The following CENPE variants were observed in gnomAD, a reference collection of about 807,000 sequenced individuals.
The protein encoded by CENPE is centromere-associated protein E.
CENPE carries 145 observed loss-of-function variants against 336.1 expected under a neutral mutation model. The ratio of observed to expected loss-of-function variants is 0.43; its 90% CI spans 0.38 to 0.50. CENPE has a LOEUF of 0.50. CENPE is among the 20% of genes least tolerant of loss of function. The pLI is 0.00. For synonymous variants in CENPE, 1,013 were observed against 984.8 expected, an observed-to-expected ratio of 1.03 and a Z score of -0.54; for missense variants, 2,719 against 3,023.3, an observed-to-expected ratio of 0.90 and a Z score of 2.36.
intron 46 of CENPE, among the ~76,000 whole-genome samples, chr4:103,113,813 G>C (rs1205668736): frequency 6.6e-6 from 1 of 150,846 alleles, no homozygotes; most frequent in Non-Finnish European, 1.5e-5. Flanking sequence ...TATAGCCATT[G>C]AGATCTGCAT....
In CENPE at chr4:103,108,802, C is replaced by A; in HGVS notation, c.8011+1G>T. 1 of 1,612,038 alleles carries A rather than the reference C, an allele frequency of 6.2e-7. No individual in the cohort carries two copies. The highest frequency in any genetic ancestry group is 8.5e-7 in the Non-Finnish European group (1 of 1,178,982). ...TCCAAGTAACCAGTATATTTACTTA[C>A]CTGGACAAAGGCCTAAACTTGAGTT... On this transcript the variant is annotated splice_donor_variant, in intron 48 of 48. Coordinates refer to ENST00000265148, the MANE Select transcript of CENPE (RefSeq NM_001813.3). LOFTEE classifies it high-confidence loss of function.
At chr4:103,182,735 TTAAGC>T in intron 11 of CENPE, 22 bp downstream of exon 11, 1 of 1,573,474 alleles carries the variant, frequency 6.4e-7, no homozygotes, top group Non-Finnish European at 8.6e-7. Context: ...TTCCCCTATA[TTAAGC>T]TGAGATAAAA....
rs774431857 is a variant in CENPE, at chr4:103,145,170, T to C, written c.4737A>G (p.Gln1579=). 9 of 1,613,454 alleles carry C rather than the reference T, an allele frequency of 5.6e-6. No individual in the cohort carries two copies. Among genetic ancestry groups the C allele is most frequent in the Middle Eastern group, 1.7e-4 (1 of 6,056 alleles). ...TAATTTGTATTTCTTCTTGACTTTC[T>C]TGAAGTCTGTTGGTCAACTCGAGCA... ...SKMLELTNRL[Q]ESQEEIQIMI... Residue 1579 remains glutamine, a synonymous_variant, in exon 32 of 49, where the codon CAA becomes CAG. Transcript: ENST00000265148.
chr4:103,163,545 T>C lies in CENPE; in HGVS notation c.1656A>G (p.Leu552=), dbSNP rs746517861. 6.3e-7 allele frequency: 1 copy of C among 1,576,348 alleles called. No individual in the cohort carries two copies. The highest frequency in any genetic ancestry group is 1.2e-5 in the South Asian group (1 of 86,624). Residue 552 remains leucine, a synonymous_variant, in exon 17 of 49, where the codon CTA becomes CTG. Transcript: ENST00000265148. ...TCTTTAAGTTCGAAATTTCATGAATTAGTTGCATCTGTAAGAGCATGTGAA... is the reference window on the plus strand; with the variant it reads ...TCTTTAAGTTCGAAATTTCATGAATCAGTTGCATCTGTAAGAGCATGTGAA... The part of the protein sequence containing the change: ...RKTKKDQEMQ[L]IHEISNLKNL...
In CENPE at chr4:103,149,184, T is replaced by C. The variant is rs1052731327; in HGVS notation, c.3621A>G (p.Glu1207=). 5 of 1,610,892 alleles carry C rather than the reference T, an allele frequency of 3.1e-6. No individual in the cohort carries two copies. Among genetic ancestry groups the C allele is most frequent in the Non-Finnish European group, 4.2e-6 (5 of 1,179,476 alleles). ...SITKERKVLK[E]LQKSFETERD... is the part of the protein sequence containing the mutation. ...TCTCTGTTTCAAATGACTTCTGTAA[T>C]TCCTTTAGAACTTTTCTTTCTTTGG... Residue 1207 remains glutamate, a synonymous_variant, in exon 27 of 49, where the codon GAA becomes GAG. Coordinates refer to ENST00000265148, the MANE Select transcript of CENPE (RefSeq NM_001813.3).
In CENPE at chr4:103,143,166, T is replaced by A. The variant is rs554118996; in HGVS notation, c.5304+82A>T. ...GTAAGTCTTCACTTGCCTTCAATTT[T>A]AGGGTAATTCATATCTTGTTTCATT... On this transcript the variant is annotated intron_variant, in intron 34 of 48. Transcript: ENST00000265148. The A allele has an allele frequency of 1.9e-4, 178 of 954,174 alleles. 2 individuals are homozygous for A. The South Asian group carries it at 2.9e-3, about 15-fold the overall frequency. 59.1% of individuals were successfully genotyped at this position (954,174 alleles called of 1,614,324 possible). A position where few individuals can be genotyped will look rare whatever the true frequency, so the allele number is the denominator to read the frequency against.
intron 24 of CENPE, 53 bp from the exon 25 acceptor site, chr4:103,153,303 T>A (rs1753711889): frequency 8.8e-7 from 1 of 1,132,104 alleles, no homozygotes; most frequent in Non-Finnish European, 1.3e-6. Context: ...ACAACAACTT[T>A]AAAAAATAAT....
chr4:103,124,244 T>C (rs1750899063), intron 42 of CENPE, among the ~76,000 whole-genome samples: 1 of 152,212 alleles, frequency 6.6e-6, no homozygotes, highest in African/African-American at 2.4e-5. Context: ...ATGCTGAAGT[T>C]CATTATTTAG....
chr4:103,187,651 C>T (rs1223107797), intron 8 of CENPE, among the ~76,000 whole-genome samples: 6 of 152,126 alleles, frequency 3.9e-5, no homozygotes, highest in Non-Finnish European at 7.4e-5. Flanking sequence ...GAAGGAAGCA[C>T]TAAACATGGA....
chr4:103,114,911 G>A (rs1749945697), intron 45 of CENPE, among the ~76,000 whole-genome samples: 1 of 152,188 alleles, frequency 6.6e-6, no homozygotes, highest in Non-Finnish European at 1.5e-5. Flanking sequence ...GCATGAAAGA[G>A]AAAGTGCAGC....
chr4:103,181,564 T>G, intron 11 of CENPE, 108 bp from the exon 12 acceptor site: 1 of 900,670 alleles, frequency 1.1e-6, no homozygotes, highest in South Asian at 1.8e-5. Flanking sequence ...TCAATACTCT[T>G]TCTAGTTGGC....
chr4:103,113,612 G>C (rs1553923164), intron 46 of CENPE, among the ~76,000 whole-genome samples: 1 of 141,416 alleles, frequency 7.1e-6, no homozygotes, highest in Non-Finnish European at 1.5e-5. Context: ...AAGTAATAAA[G>C]AAGTAATAGA....
Position 103,114,004 on chromosome 4 carries a change from C to A in CENPE, c.7540+451G>T, listed in dbSNP as rs115862105. Among the ~76,000 whole-genome samples the A allele has an allele frequency of 6.9e-3, 1,051 of 152,096 alleles. 17 individuals carry two copies. Among genetic ancestry groups the A allele is most frequent in the African/African-American group, 0.024 (1,009 of 41,500 alleles). On this transcript the variant is annotated intron_variant, in intron 46 of 48. Coordinates refer to ENST00000265148, the MANE Select transcript of CENPE (RefSeq NM_001813.3). ...CTCAGATAAATTTCAAAGACCTTTGCAAGTAAATATTAACTTGGTATTTTT... is the reference window on the plus strand; with the variant it reads ...CTCAGATAAATTTCAAAGACCTTTGAAAGTAAATATTAACTTGGTATTTTT...
At chr4:103,151,438 T>TA in intron 25 of CENPE, 61 bp from the exon 26 acceptor site, 1 of 1,233,106 alleles carries the variant, frequency 8.1e-7, no homozygotes, top group South Asian at 1.7e-5. Flanking sequence ...TGAAATCAGG[T>TA]AAAACATCAG....
chr4:103,152,812 G>C (rs1483194777), intron 25 of CENPE, among the ~76,000 whole-genome samples: 5 of 152,136 alleles, frequency 3.3e-5, no homozygotes, highest in Admixed American at 1.3e-4. Context: ...GCGGGGAGGA[G>C]GTGATGAGGG....
chr4:103,193,708 G>T (rs908737319), intron 8 of CENPE, among the ~76,000 whole-genome samples: 21 of 152,052 alleles, frequency 1.4e-4, no homozygotes, highest in African/African-American at 4.8e-4. Flanking sequence ...CTACCAGGAT[G>T]AATGCAGTAT....
At chr4:103,168,895 T>C (rs141245694) in intron 16 of CENPE, among the ~76,000 whole-genome samples, 12 of 152,316 alleles carry the variant, frequency 7.9e-5, no homozygotes, top group Middle Eastern at 3.4e-3. Context: ...TCATCTTCAA[T>C]GTGCAGACAC....
intron 47 of CENPE, 41 bp downstream of exon 47, chr4:103,110,787 A>G (rs1749340209): frequency 6.9e-7 from 1 of 1,451,780 alleles, no homozygotes; most frequent in South Asian, 1.4e-5. Flanking sequence ...TATATGTAAT[A>G]GCCGTAAGCA....
At chr4:103,190,705 G>T (rs1366600378) in intron 8 of CENPE, among the ~76,000 whole-genome samples, 5 of 152,094 alleles carry the variant, frequency 3.3e-5, no homozygotes, top group Non-Finnish European at 7.4e-5. Context: ...AGAAAACCTA[G>T]GCAATACCAT....
Sources: allele counts gnomAD v4.1 joint callset (sites outside exome capture counted in the v4.1 genomes callset), GRCh38; gene constraint gnomAD v4.1.1; transcripts MANE v1.5; gene names NCBI Gene and HGNC (gene_info 2026-07-23, HGNC 2026-07-21).